The following RICTOR variants were observed in gnomAD, a reference collection of about 807,000 sequenced individuals.
The protein encoded by RICTOR is rapamycin-insensitive companion of mTOR.
In RICTOR, 49 loss-of-function variants were observed where a neutral mutation model predicts 214.9. The observed-to-expected ratio is 0.23, with a 90% CI of 0.18 to 0.29. The LOEUF is 0.29. RICTOR is among the 10% of genes least tolerant of loss of function. The pLI is 1.00. For missense variants in RICTOR, 1,625 were observed against 2,047.0 expected (o/e 0.79, Z 3.98); for synonymous variants, 717 against 711.3 (o/e 1.01, Z -0.13).
intron 28 of RICTOR, 102 bp downstream of exon 28, chr5:38,953,359 A>G (rs1748959050): frequency 7.2e-6 from 4 of 552,686 alleles, no homozygotes; most frequent in Non-Finnish European, 3.2e-6. Context: ...TATTAATCTA[A>G]TAAGTAGTTC....
intron 7 of RICTOR, among the ~76,000 whole-genome samples, chr5:38,987,889 G>A (rs1248587826): frequency 6.6e-6 from 1 of 152,146 alleles, no homozygotes; most frequent in African/African-American, 2.4e-5. Flanking sequence ...GTGTCCCAGA[G>A]ATTCTGGTAT....
chr5:39,036,626 A>G (rs1382983408), intron 2 of RICTOR, among the ~76,000 whole-genome samples: 1 of 152,206 alleles, frequency 6.6e-6, no homozygotes, highest in Admixed American at 6.5e-5. Context: ...AGGAAGATCT[A>G]CCAAGCAAAT....
chr5:39,031,680 T>C (rs1441867314), intron 2 of RICTOR, among the ~76,000 whole-genome samples: 3 of 152,194 alleles, frequency 2.0e-5, no homozygotes, highest in Non-Finnish European at 4.4e-5. Context: ...ATGCATTCTA[T>C]GATGTATTTG....
chr5:39,038,904 T>G (rs1246480096), intron 2 of RICTOR, among the ~76,000 whole-genome samples: 14 of 152,078 alleles, frequency 9.2e-5, no homozygotes, highest in South Asian at 6.2e-4. Context: ...AGGTAATTTA[T>G]AGATTCAATG....
At chr5:38,946,608 G>T in intron 32 of RICTOR, 56 bp from the exon 33 acceptor site, 2 of 1,044,714 alleles carry the variant, frequency 1.9e-6, no homozygotes, top group Non-Finnish European at 3.0e-6. Flanking sequence ...CCCACTTTAT[G>T]AAAATTAGCA....
At chr5:39,051,187 A>G (rs191930694) in intron 2 of RICTOR, among the ~76,000 whole-genome samples, 37 of 152,318 alleles carry the variant, frequency 2.4e-4, no homozygotes, top group African/African-American at 8.2e-4. Flanking sequence ...ATCACTGTAT[A>G]TAATACCAAG....
At chr5:38,975,676 A>G (rs1751162027) in intron 9 of RICTOR, 72 bp from the exon 10 acceptor site, 1 of 1,058,064 alleles carries the variant, frequency 9.5e-7, no homozygotes, top group African/African-American at 1.6e-5. Context: ...TCCTGCTACT[A>G]AATCACAATA....
intron 2 of RICTOR, among the ~76,000 whole-genome samples, chr5:39,050,144 T>A (rs1038902718): frequency 6.6e-6 from 1 of 151,518 alleles, no homozygotes; most frequent in Non-Finnish European, 1.5e-5. Context: ...AGGAAGGTGA[T>A]CTAGATGAAC....
rs1439582428 is a variant in RICTOR at position 38,944,498 on chromosome 5, T to C, written c.4861A>G (p.Ile1621Val). The C allele has an allele frequency of 6.2e-7, 1 of 1,612,630 alleles. No individual in the cohort carries two copies. The highest frequency in any genetic ancestry group is 8.5e-7 in the Non-Finnish European group (1 of 1,179,210). ...GTTGAAACTGAACTACTCAAATTAA[T>C]GACTAATCTTAGAACTTCTTTGCGA... Reference protein sequence around the residue: ...LLRKEVLRLVINLSSSVSTKC... With the variant: ...LLRKEVLRLVVNLSSSVSTKC... Residue 1621 changes from isoleucine (I) to valine (V), a missense_variant, in exon 36 of 38, where the codon ATT becomes GTT. Around this residue, in one of 5 missense-constraint regions of RICTOR, gnomAD observed 44 missense variants for 90.1 expected, o/e 0.49. Transcript: ENST00000357387.
At chr5:38,944,063 T>C in intron 36 of RICTOR, 1 of 348,556 alleles carries the variant, frequency 2.9e-6, no homozygotes, top group East Asian at 7.8e-5. Context: ...GAAATTAAAA[T>C]TGAGAGAATT....
rs2150017196 is a variant in RICTOR at position 38,959,816 on chromosome 5, C to T, written c.2014G>A (p.Gly672Arg). 6.2e-7 allele frequency: 1 copy of T among 1,613,500 alleles called. No individual in the cohort carries two copies. The highest frequency in any genetic ancestry group is 8.5e-7 in the Non-Finnish European group (1 of 1,179,632). Residue 672 changes from glycine to arginine, a missense_variant, in exon 21 of 38, where the codon GGA (glycine) becomes AGA (arginine). Physicochemically the swap from Gly to Arg is moderately radical, Grantham distance 125. This residue lies in a region of RICTOR where 1,214 missense variants were observed against 1,470.5 expected (regional missense o/e 0.83). Transcript: ENST00000357387. ...CTGCATTTTTCCAGCATTTTAACTC[C>T]ATGAGGGTGGCAAGAAAGTGTTCCA... Reference protein sequence around the residue: ...FIGTLSCHPHGVKMLEKCSVF... With the variant: ...FIGTLSCHPHRVKMLEKCSVF...
chr5:39,064,980 G>A (rs1758793673), intron 2 of RICTOR, among the ~76,000 whole-genome samples: 1 of 152,084 alleles, frequency 6.6e-6, no homozygotes, highest in African/African-American at 2.4e-5. Context: ...GCAGAACCTC[G>A]TTCTCTGGAC....
chr5:38,997,756 T>C (rs760116568), intron 5 of RICTOR, among the ~76,000 whole-genome samples: 31 of 152,180 alleles, frequency 2.0e-4, no homozygotes, highest in Non-Finnish European at 3.7e-4. Flanking sequence ...ACCACATTTG[T>C]TCCCTGGGTG....
chr5:38,964,626 AAATT>A (rs1750063075), intron 16 of RICTOR, among the ~76,000 whole-genome samples, 162 bp downstream of exon 16: 1 of 151,960 alleles, frequency 6.6e-6, no homozygotes, highest in South Asian at 2.1e-4. Context: ...CCTAAAAGAC[AAATT>A]ATTAAATATT....
At chr5:39,000,066 A>G (rs761885244) in intron 5 of RICTOR, among the ~76,000 whole-genome samples, 15 of 151,980 alleles carry the variant, frequency 9.9e-5, no homozygotes, top group Non-Finnish European at 1.6e-4. Context: ...CAATAAGAAG[A>G]TTTAGCAGTT....
intron 31 of RICTOR, chr5:38,949,393 T>A (rs1399138790): frequency 4.4e-5 from 70 of 1,592,390 alleles, no homozygotes; most frequent in Non-Finnish European, 5.9e-5. Context: ...CTTAAGCTCC[T>A]GATTCCCCCG....
chr5:38,959,516 C>T (rs1749600418), intron 21 of RICTOR, among the ~76,000 whole-genome samples, 195 bp from the exon 22 acceptor site: 1 of 152,108 alleles, frequency 6.6e-6, no homozygotes, highest in African/African-American at 2.4e-5. Context: ...AATCATCATA[C>T]ATAGTTACTA....
At chr5:38,950,834 T>A in intron 30 of RICTOR, 114 bp from the exon 31 acceptor site, 3 of 790,688 alleles carry the variant, frequency 3.8e-6, no homozygotes, top group Non-Finnish European at 3.9e-6. Context: ...GGAAAAAATT[T>A]AAAAATAAAC....
chr5:38,952,425 C>T lies in RICTOR; in HGVS notation c.2898G>A (p.Gly966=), dbSNP rs61748210. 1.7e-3 allele frequency: 2,618 copies of T among 1,585,202 alleles called. 1 individual carries two copies. The highest frequency in any genetic ancestry group is 2.1e-3 in the Non-Finnish European group (2,469 of 1,154,666). The change falls in exon 30 of 38, where the codon GGG becomes GGA. Residue 966 remains glycine (G), a splice_region_variant and synonymous_variant. Transcript: ENST00000357387. ...TGAGCCCAAGTACATATACACAGGT[C>T]CTGTATATAAAAGATGCAGTAAAAA... ...AKQCEVLSIR[G]TCVYVLGLIA...
Sources: gnomAD v4.1 joint callset for allele counts (sites outside exome capture counted in the v4.1 genomes callset) on GRCh38, gnomAD v4.1.1 for gene constraint, gnomAD v4.1.1 regional missense constraint, MANE v1.5 for transcripts, NCBI Gene and HGNC (gene_info 2026-07-23, HGNC 2026-07-21) for gene names.